PLCB4: variants seen among roughly 807,000 people sequenced by gnomAD.
PLCB4 encodes the protein phospholipase C beta 4.
Under a neutral mutation model 178.8 loss-of-function variants are expected in PLCB4, and 77 were observed. The observed-to-expected ratio is 0.43, with a 90% CI of 0.36 to 0.52. PLCB4 has a LOEUF of 0.52. PLCB4 is among the 20% of genes least tolerant of loss of function. The pLI is 0.00. For synonymous variants in PLCB4, 496 were observed against 490.8 expected (o/e 1.01, Z -0.14); for missense variants, 1,024 against 1,453.4 (o/e 0.70, Z 4.80).
chr20:9,248,676 A>G (rs1019458666), intron 3 of PLCB4, among the ~76,000 whole-genome samples: 1 of 152,168 alleles, frequency 6.6e-6, no homozygotes, highest in Non-Finnish European at 1.5e-5. Flanking sequence ...CTTTTAACAC[A>G]CTGAGAACTA....
chr20:9,183,492 G>A (rs1231324184), intron 2 of PLCB4, among the ~76,000 whole-genome samples: 1 of 152,158 alleles, frequency 6.6e-6, no homozygotes, highest in Non-Finnish European at 1.5e-5. Context: ...AAGAAGAAAA[G>A]CTGCTAGATT....
chr20:9,472,906 G>C, intron 37 of PLCB4, 59 bp downstream of exon 37: 3 of 959,834 alleles, frequency 3.1e-6, no homozygotes, highest in Non-Finnish European at 4.9e-6. Context: ...ACAATAACAT[G>C]CTTAGCCACC....
At position 9,448,145 on chromosome 20, in the gene PLCB4, A is replaced by G. The variant is rs1883494; in HGVS notation, c.2880+3902A>G. Among the ~76,000 whole-genome samples, 379 of 152,228 alleles carry G rather than the reference A, an allele frequency of 2.5e-3. 2 individuals are homozygous for G. The highest frequency in any genetic ancestry group is 8.6e-3 in the African/African-American group (359 of 41,536). ...ATGTAGCACTTTTTACTATCTTTTG[A>G]GCCCTTAGTAGAAACCCCACTAATC... On this transcript the variant is annotated intron_variant, in intron 32 of 39. Coordinates refer to ENST00000378473, the MANE Select transcript of PLCB4 (RefSeq NM_001377142.1).
chr20:9,145,428 T>A (rs914376255), intron 2 of PLCB4, among the ~76,000 whole-genome samples: 1 of 152,074 alleles, frequency 6.6e-6, no homozygotes, highest in Non-Finnish European at 1.5e-5. Context: ...TGACAAGTGC[T>A]CTCACATCAA....
At chr20:9,078,273 G>T (rs1183893030) in intron 1 of PLCB4, among the ~76,000 whole-genome samples, 1 of 152,078 alleles carries the variant, frequency 6.6e-6, no homozygotes, top group Non-Finnish European at 1.5e-5. Context: ...GAGCCACTGC[G>T]TCTGGCCTGG....
intron 7 of PLCB4, among the ~76,000 whole-genome samples, chr20:9,347,986 A>G (rs576146704): frequency 6.6e-6 from 1 of 152,114 alleles, no homozygotes; most frequent in East Asian, 1.9e-4. Flanking sequence ...AACAAAACAA[A>G]CAAACAAAAA....
At chr20:9,300,933 C>G (rs143705593) in intron 3 of PLCB4, among the ~76,000 whole-genome samples, 11 of 152,128 alleles carry the variant, frequency 7.2e-5, no homozygotes, top group African/African-American at 1.9e-4. Context: ...CGAGGCCAGA[C>G]GTCTGACATC....
intron 1 of PLCB4, among the ~76,000 whole-genome samples, chr20:9,081,716 TATTGCAAA>T (rs1160497964): frequency 8.2e-6 from 1 of 122,368 alleles, no homozygotes; most frequent in Non-Finnish European, 1.6e-5. Flanking sequence ...CAAATGCCAT[TATTGCAAA>T]GCCTGCAGAT....
At chr20:9,462,433 G>A (rs958593190) in intron 35 of PLCB4, among the ~76,000 whole-genome samples, 1 of 152,196 alleles carries the variant, frequency 6.6e-6, no homozygotes, top group Non-Finnish European at 1.5e-5. Flanking sequence ...GTTGACAGAA[G>A]TGGGCTTCAA....
chr20:9,390,702 T>C, intron 17 of PLCB4, 87 bp downstream of exon 17: 1 of 633,478 alleles, frequency 1.6e-6, no homozygotes, highest in Non-Finnish European at 2.9e-6. Flanking sequence ...AGAGGACTAA[T>C]GCTAAAGATC....
chr20:9,297,972 G>T (rs981611644), intron 3 of PLCB4, among the ~76,000 whole-genome samples: 3 of 152,056 alleles, frequency 2.0e-5, no homozygotes, highest in Non-Finnish European at 4.4e-5. Context: ...GAATTAAATT[G>T]CCAGGGCTCA....
intron 7 of PLCB4, among the ~76,000 whole-genome samples, chr20:9,361,904 G>T (rs936158472): frequency 1.3e-5 from 2 of 152,134 alleles, no homozygotes; most frequent in African/African-American, 2.4e-5. Flanking sequence ...ATGAGACACT[G>T]AACTTTATAT....
At chr20:9,294,639 C>T (rs1292619239) in intron 3 of PLCB4, among the ~76,000 whole-genome samples, 1 of 152,080 alleles carries the variant, frequency 6.6e-6, no homozygotes, top group East Asian at 1.9e-4. Flanking sequence ...AGACCATTTT[C>T]CTCTTCCCCC....
intron 35 of PLCB4, among the ~76,000 whole-genome samples, chr20:9,463,684 G>A (rs1325740508): frequency 2.7e-5 from 4 of 149,844 alleles, no homozygotes; most frequent in Non-Finnish European, 5.9e-5. Flanking sequence ...AGACAAAGAA[G>A]GCCATTACAT....
chr20:9,405,565 C>T (rs1020006283), intron 21 of PLCB4, among the ~76,000 whole-genome samples: 9 of 152,134 alleles, frequency 5.9e-5, no homozygotes, highest in Non-Finnish European at 1.2e-4. Flanking sequence ...AGTGGAACTA[C>T]ATGATCATCA....
intron 25 of PLCB4, among the ~76,000 whole-genome samples, chr20:9,414,324 A>G (rs889138010): frequency 1.2e-4 from 19 of 152,290 alleles, no homozygotes; most frequent in East Asian, 7.7e-4. Flanking sequence ...AAAAGAGAAG[A>G]AATTGCCGTC....
chr20:9,147,967 G>A (rs1395380128), intron 2 of PLCB4, among the ~76,000 whole-genome samples: 3 of 152,120 alleles, frequency 2.0e-5, no homozygotes, highest in Non-Finnish European at 2.9e-5. Context: ...TTTTCTCCAT[G>A]CCATGGCCAC....
chr20:9,394,229 A>G (rs897055824), intron 18 of PLCB4, among the ~76,000 whole-genome samples: 4 of 152,176 alleles, frequency 2.6e-5, no homozygotes, highest in Non-Finnish European at 4.4e-5. Context: ...AAATATTGGC[A>G]TGATTACACT....
intron 35 of PLCB4, among the ~76,000 whole-genome samples, chr20:9,460,230 G>A (rs1307069983): frequency 6.6e-6 from 1 of 152,202 alleles, no homozygotes; most frequent in Non-Finnish European, 1.5e-5. Flanking sequence ...GGCACTAAAG[G>A]CATCCAGCTC....
Sources: allele counts gnomAD v4.1 joint callset (sites outside exome capture counted in the v4.1 genomes callset), GRCh38; gene constraint gnomAD v4.1.1; transcripts MANE v1.5; gene names NCBI Gene and HGNC (gene_info 2026-07-23, HGNC 2026-07-21).